Variants in RIMS2 observed in about 807,000 individuals in gnomAD.
RIMS2 encodes the protein regulating synaptic membrane exocytosis protein 2.
In RIMS2, 59 loss-of-function variants were observed where a neutral mutation model predicts 174.4. The ratio of observed to expected loss-of-function variants is 0.34; its 90% CI spans 0.27 to 0.42. RIMS2 has a LOEUF of 0.42. Among genes scored for constraint, RIMS2 ranks in the 10% least tolerant of loss-of-function variants. The probability of loss-of-function intolerance (pLI) is 1.00; values close to 1 mark genes in which losing one functional copy is unlikely to be tolerated. For synonymous variants in RIMS2, 606 were observed against 572.5 expected, an observed-to-expected ratio of 1.06 and a Z score of -0.84; for missense variants, 1,620 against 1,666.3, an observed-to-expected ratio of 0.97 and a Z score of 0.48.
chr8:103,681,381 A>G (rs1412962859), intron 1 of RIMS2, among the ~76,000 whole-genome samples: 1 of 152,116 alleles, frequency 6.6e-6, no homozygotes, highest in Non-Finnish European at 1.5e-5. Context: ...CACACATGCC[A>G]TATATGTAAA....
At chr8:103,874,804 A>T (rs2099128086) in intron 3 of RIMS2, among the ~76,000 whole-genome samples, 1 of 152,008 alleles carries the variant, frequency 6.6e-6, no homozygotes, top group Non-Finnish European at 1.5e-5. Flanking sequence ...GTGGTGTTTA[A>T]AAAAGAACAC....
At chr8:103,734,447 AGGTT>A (rs1394146402) in intron 2 of RIMS2, among the ~76,000 whole-genome samples, 2 of 144,474 alleles carry the variant, frequency 1.4e-5, no homozygotes, top group African/African-American at 5.2e-5. Context: ...TTATAATTCT[AGGTT>A]GGATGGTTCT....
At chr8:103,554,376 C>G (rs1368489169) in intron 1 of RIMS2, among the ~76,000 whole-genome samples, 4 of 152,028 alleles carry the variant, frequency 2.6e-5, no homozygotes, top group Non-Finnish European at 5.9e-5. Context: ...AAAAAGTGGG[C>G]AAAGGACATG....
At chr8:104,111,467 G>A (rs1045871466) in intron 19 of RIMS2, among the ~76,000 whole-genome samples, 1 of 152,156 alleles carries the variant, frequency 6.6e-6, no homozygotes, top group African/African-American at 2.4e-5. Context: ...GAGTGCAGTG[G>A]TGCGATCTCA....
intron 17 of RIMS2, among the ~76,000 whole-genome samples, chr8:103,991,403 A>C (rs2094688191): frequency 6.6e-6 from 1 of 151,834 alleles, no homozygotes; most frequent in Admixed American, 6.6e-5. Flanking sequence ...ATGAGGAATA[A>C]AAAATTTAAA....
chr8:104,084,437 C>CAA lies in RIMS2; in HGVS notation c.3334+69840_3334+69841dup, dbSNP rs34285862. On this transcript the variant is annotated intron_variant, in intron 19 of 23. Transcript: ENST00000504942. Reference sequence around the variant, plus strand: ...TGGGCGACTGAGCAAGACTCTGTCTCAAAAAAAAAAAAAAAAAAACTAAAG... The same window carrying CAA: ...TGGGCGACTGAGCAAGACTCTGTCTCAAAAAAAAAAAAAAAAAAAAACTAAAG... 5.0e-4 allele frequency among the ~76,000 whole-genome samples: 38 copies of CAA among 76,650 alleles called. 1 individual carries two copies. The highest frequency in any genetic ancestry group is 1.6e-3 in the South Asian group (3 of 1,884). The allele number at this position is 76,650 out of a possible 152,430, so 50.3% of individuals were successfully genotyped here. A position where few individuals can be genotyped will look rare whatever the true frequency, so the allele number is the denominator to read the frequency against.
At chr8:103,775,871 G>C (rs370888389) in intron 3 of RIMS2, among the ~76,000 whole-genome samples, 1 of 151,898 alleles carries the variant, frequency 6.6e-6, no homozygotes, top group African/African-American at 2.4e-5. Flanking sequence ...TCAATTTTTA[G>C]GTGAAAAAAA....
Position 103,768,316 on chromosome 8 carries a change from C to T in RIMS2, c.698+1779C>T, listed in dbSNP as rs982057117. ...ACATCTCTTTCCCAGCCACTGGCTG[C>T]CAGAAACTCATTGAAGTGGATGATA... On this transcript the variant is annotated intron_variant, in intron 3 of 23. Transcript: ENST00000504942. 16 of 649,082 alleles carry T rather than the reference C, an allele frequency of 2.5e-5. No individual in the cohort carries two copies. The African/African-American group carries it at 2.7e-4, about 11-fold the overall frequency. The allele number at this position is 649,082 out of a possible 1,614,324, so 40.2% of individuals were successfully genotyped here. A position where few individuals can be genotyped will look rare whatever the true frequency, so the allele number is the denominator to read the frequency against.
At chr8:104,223,061 G>A (rs888812568) in intron 19 of RIMS2, among the ~76,000 whole-genome samples, 2 of 152,158 alleles carry the variant, frequency 1.3e-5, no homozygotes, top group Non-Finnish European at 2.9e-5. Flanking sequence ...GTGAACCTGA[G>A]GAAAGGGAAA....
chr8:103,933,794 T>C (rs1291830569), intron 12 of RIMS2, among the ~76,000 whole-genome samples: 2 of 152,240 alleles, frequency 1.3e-5, no homozygotes, highest in Admixed American at 6.5e-5. Flanking sequence ...TATTTGTGGT[T>C]GACACAAGTT....
chr8:103,706,088 G>A (rs771677847), intron 2 of RIMS2, among the ~76,000 whole-genome samples: 15 of 151,026 alleles, frequency 9.9e-5, no homozygotes, highest in Admixed American at 7.9e-4. Context: ...GTATTTCTTC[G>A]TCGTTTCTAT....
At chr8:104,054,951 C>G (rs2096844584) in intron 19 of RIMS2, among the ~76,000 whole-genome samples, 1 of 151,906 alleles carries the variant, frequency 6.6e-6, no homozygotes, top group Non-Finnish European at 1.5e-5. Flanking sequence ...AGTAATTTTG[C>G]CTTATTTCAC....
intron 15 of RIMS2, among the ~76,000 whole-genome samples, chr8:103,964,231 TAGAA>T (rs1410918917): frequency 6.6e-6 from 1 of 152,206 alleles, no homozygotes. Flanking sequence ...ATAGTTTTGT[TAGAA>T]AGTTCCAAAA....
chr8:103,676,786 T>C (rs2096820343), intron 1 of RIMS2, among the ~76,000 whole-genome samples: 1 of 151,772 alleles, frequency 6.6e-6, no homozygotes, highest in African/African-American at 2.4e-5. Context: ...AGTTCAAGAG[T>C]AGCCTGGCCA....
At chr8:103,921,048 A>AAC (rs1595176259) in intron 9 of RIMS2, 5 of 196,986 alleles carry the variant, frequency 2.5e-5, no homozygotes, top group South Asian at 2.2e-4. Context: ...ACAACAACAA[A>AAC]AACAGGTCTT....
chr8:104,155,677 T>A (rs2098719293), intron 19 of RIMS2, among the ~76,000 whole-genome samples: 2 of 152,050 alleles, frequency 1.3e-5, no homozygotes, highest in Admixed American at 1.3e-4. Context: ...CCTCCCAAAG[T>A]GCTGGGATTA....
intron 19 of RIMS2, among the ~76,000 whole-genome samples, chr8:104,060,704 T>C (rs1021488294): frequency 6.6e-6 from 1 of 152,212 alleles, no homozygotes; most frequent in African/African-American, 2.4e-5. Flanking sequence ...ATTATGGGCA[T>C]TTAGTGCTAT....
intron 2 of RIMS2, among the ~76,000 whole-genome samples, chr8:103,705,805 A>G (rs964285999): frequency 2.7e-5 from 4 of 149,356 alleles, no homozygotes. Context: ...TAAGCAAGTG[A>G]GTTTCTTCTA....
At chr8:103,752,086 C>G (rs1161725449) in intron 2 of RIMS2, among the ~76,000 whole-genome samples, 5 of 152,096 alleles carry the variant, frequency 3.3e-5, no homozygotes, top group Non-Finnish European at 7.4e-5. Flanking sequence ...GGTTTTAGGT[C>G]TAATGTTTAA....
Sources: allele counts gnomAD v4.1 joint callset (sites outside exome capture counted in the v4.1 genomes callset), GRCh38; gene constraint gnomAD v4.1.1; transcripts MANE v1.5; gene names NCBI Gene and HGNC (gene_info 2026-07-23, HGNC 2026-07-21).